Variants in DHODH observed in about 807,000 individuals in gnomAD.
The protein encoded by DHODH is dihydroorotate dehydrogenase (quinone), mitochondrial.
DHODH carries 30 observed loss-of-function variants against 39.7 expected under a neutral mutation model. The observed-to-expected ratio is 0.76, with a 90% CI of 0.57 to 1.02. The LOEUF (loss-of-function observed/expected upper bound fraction) is 1.02. Ranked by LOEUF, DHODH falls within the 50% of genes least tolerant of loss-of-function variation. The pLI is 0.00. For missense variants in DHODH, 531 were observed against 520.8 expected, an observed-to-expected ratio of 1.02 and a Z score of -0.19; for synonymous variants, 222 against 213.8, an observed-to-expected ratio of 1.04 and a Z score of -0.34.
At position 72,023,374 on chromosome 16, in the gene DHODH, C is replaced by A. The variant is rs112421506; in HGVS notation, c.973+56C>A. On this transcript the variant is annotated intron_variant, in intron 7 of 8. Coordinates refer to ENST00000219240, the MANE Select transcript of DHODH (RefSeq NM_001361.5). ...CTGCGTGTGGCTTGGGCTCCTGGGT[C>A]GTGATGGGAATCATCATTCCCTAAT... 1.5e-4 allele frequency: 237 copies of A among 1,613,768 alleles called. 5 individuals are homozygous for A. Among genetic ancestry groups the A allele is most frequent in the African/African-American group, 7.1e-4 (53 of 75,042 alleles).
Position 72,026,971 on chromosome 16 carries a change from G to A in DHODH, c.*2772G>A, listed in dbSNP as rs1337183539. 5 of 81,444 alleles carry A rather than the reference G, an allele frequency of 6.1e-5. No homozygotes were observed. Among genetic ancestry groups the A allele is most frequent in the African/African-American group, 1.4e-4 (4 of 28,068 alleles). 5.0% of individuals were successfully genotyped at this position (81,444 alleles called of 1,614,324 possible). ...ACACCCAGCTAATTTGTGTGTGTGT[G>A]TGTGTGTGTGTGTGTGTGTGTGTGT... On this transcript the variant is annotated 3_prime_UTR_variant, in exon 9 of 9. Coordinates refer to ENST00000219240, the MANE Select transcript of DHODH (RefSeq NM_001361.5).
In DHODH at chr16:72,023,643, G is replaced by T; in HGVS notation, c.1133+10G>T. On this transcript the variant is annotated intron_variant, in intron 8 of 8. Transcript: ENST00000219240. The stretch of plus-strand genomic sequence containing the variant: ...TGGAGGCCCTTCTGAAGTGAGTGAG[G>T]TCATGTGTGGCTTGAAACAGAAGTT... 2 of 1,613,364 alleles carry T rather than the reference G, an allele frequency of 1.2e-6. No individual in the cohort carries two copies. The highest frequency in any genetic ancestry group is 1.7e-6 in the Non-Finnish European group (2 of 1,180,028).
At position 72,022,485 on chromosome 16, in the gene DHODH, G is replaced by A. The variant is rs114267707; in HGVS notation, c.819+10G>A. 3.0e-3 allele frequency: 4,636 copies of A among 1,547,428 alleles called. 96 individuals carry two copies. In the African/African-American group the frequency reaches 0.051, roughly 17 times the overall value. ...CAGTGTGGTCAAAGAGGTTTGAGTC[G>A]GGGCCTGGGCCCAGGGTGTGCCTCC... On this transcript the variant is annotated intron_variant, in intron 6 of 8. Transcript: ENST00000219240.
chr16:72,012,379 T>G lies in DHODH; in HGVS notation c.234+117T>G, dbSNP rs556105282. ...AGAACCCCAAGTGAGCAGTGGGGAT[T>G]TGGAATTCAGTCTGAGCATTATTAT... is the stretch of plus-strand genomic sequence containing the variant. On this transcript the variant is annotated intron_variant, in intron 2 of 8. Transcript: ENST00000219240. 356 of 835,528 alleles carry G rather than the reference T, an allele frequency of 4.3e-4. 3 individuals are homozygous for G. Among genetic ancestry groups the G allele is most frequent in the South Asian group, 1.1e-3 (75 of 69,648 alleles). 51.8% of individuals were successfully genotyped at this position (835,528 alleles called of 1,614,324 possible).
chr16:72,027,107 C>T lies in DHODH; in HGVS notation c.*2908C>T, dbSNP rs1876570271. The T allele has an allele frequency of 6.6e-6, 1 of 152,244 alleles. No homozygotes were observed. The highest frequency in any genetic ancestry group is 2.4e-5 in the African/African-American group (1 of 41,400). The allele number at this position is 152,244 out of a possible 1,614,324, so 9.4% of individuals were successfully genotyped here. Reference sequence around the variant, plus strand: ...CGCCTCCCGGGTTCACACTATTCTCCTGCCTCAGCCTCCCGAGTAGCTGGG... The same window carrying T: ...CGCCTCCCGGGTTCACACTATTCTCTTGCCTCAGCCTCCCGAGTAGCTGGG... On this transcript the variant is annotated 3_prime_UTR_variant, in exon 9 of 9. Transcript: ENST00000219240.
intron 1 of DHODH, 75 bp downstream of exon 1, chr16:72,008,860 C>G: frequency 1.3e-6 from 2 of 1,551,080 alleles, no homozygotes; most frequent in South Asian, 1.2e-5. Context: ...TCAGGCCGGG[C>G]GAGGCATGGA....
At chr16:72,017,386 G>A (rs774021150) in intron 4 of DHODH, among the ~76,000 whole-genome samples, 10 of 152,136 alleles carry the variant, frequency 6.6e-5, no homozygotes, top group South Asian at 2.1e-4. Flanking sequence ...AAAGCGGCTG[G>A]GCAATGATCA....
intron 1 of DHODH, 183 bp downstream of exon 1, chr16:72,008,968 G>T (rs1192994911): frequency 5.4e-6 from 8 of 1,494,608 alleles, no homozygotes; most frequent in East Asian, 2.5e-5. Context: ...ACGTGGACTC[G>T]GTCAGGCGTG....
chr16:72,012,690 C>CAGCTAAATGGGGAAGCTGCCAGAGTCATT, intron 2 of DHODH, among the ~76,000 whole-genome samples: 1 of 152,250 alleles, frequency 6.6e-6, no homozygotes, highest in Non-Finnish European at 1.5e-5. Context: ...GTCTTCCCCT[C>CAGCTAAATGGGGAAGCTGCCAGAGTCATT]AGCTAAATGG....
intron 7 of DHODH, 37 bp downstream of exon 7, chr16:72,023,355 G>T: frequency 6.2e-7 from 1 of 1,614,084 alleles, no homozygotes; most frequent in Non-Finnish European, 8.5e-7. Context: ...AGATCTGCGT[G>T]TGGCTTGGGC....
intron 4 of DHODH, among the ~76,000 whole-genome samples, 189 bp from the exon 5 acceptor site, chr16:72,020,935 G>C (rs1567573149): frequency 1.3e-5 from 2 of 152,240 alleles, no homozygotes; most frequent in Non-Finnish European, 2.9e-5. Flanking sequence ...GCTAGACAAA[G>C]CCAGTGAGTG....
intron 3 of DHODH, among the ~76,000 whole-genome samples, chr16:72,014,992 C>A (rs2041126326): frequency 6.6e-6 from 1 of 152,156 alleles, no homozygotes; most frequent in African/African-American, 2.4e-5. Context: ...GTGCTCTGTC[C>A]ATGTTGTTTC....
intron 8 of DHODH, 105 bp downstream of exon 8, chr16:72,023,738 G>T (rs2041249767): frequency 2.0e-6 from 3 of 1,495,296 alleles, no homozygotes; most frequent in Admixed American, 3.5e-5. Context: ...CATTCAAAAA[G>T]GAGTTGAGGG....
chr16:72,024,071 A>G lies in DHODH; in HGVS notation c.1134-74A>G. On this transcript the variant is annotated intron_variant, in intron 8 of 8. Coordinates refer to ENST00000219240, the MANE Select transcript of DHODH (RefSeq NM_001361.5). ...GGCCGGGATGATGCGTTTCTGGGTG[A>G]ACGTGGGCTTCCTGTAAGAGCAGGG... The G allele has an allele frequency of 2.0e-6, 3 of 1,508,716 alleles. No homozygotes were observed. The South Asian group carries it at 3.4e-5, about 17-fold the overall frequency. 93.5% of individuals were successfully genotyped at this position (1,508,716 alleles called of 1,614,324 possible).
intron 3 of DHODH, chr16:72,015,811 T>C: frequency 1.0e-6 from 1 of 985,446 alleles, no homozygotes; most frequent in South Asian, 4.7e-5. Flanking sequence ...GGGTGTGAGA[T>C]CCTGCTCTGA....
At position 72,008,764 on chromosome 16, in the gene DHODH, C is replaced by A; in HGVS notation, c.-1C>A. On this transcript the variant is annotated 5_prime_UTR_variant, in exon 1 of 9. Coordinates refer to ENST00000219240, the MANE Select transcript of DHODH (RefSeq NM_001361.5). The stretch of plus-strand genomic sequence containing the variant: ...GGGGCGGGCTTAATGACGGAAGGAG[C>A]ATGGCGTGGAGACACCTGAAAGTGA... The A allele has an allele frequency of 6.4e-7, 1 of 1,551,732 alleles. No individual in the cohort carries two copies. The highest frequency in any genetic ancestry group is 1.4e-5 in the African/African-American group (1 of 73,188).
intron 3 of DHODH, among the ~76,000 whole-genome samples, chr16:72,015,147 T>G (rs1221342859): frequency 3.3e-5 from 5 of 152,244 alleles, no homozygotes; most frequent in Non-Finnish European, 7.3e-5. Flanking sequence ...ATATTTAATG[T>G]TACAAGTATT....
chr16:72,018,422 G>A (rs2041167813), intron 4 of DHODH, among the ~76,000 whole-genome samples: 1 of 152,222 alleles, frequency 6.6e-6, no homozygotes, highest in Non-Finnish European at 1.5e-5. Flanking sequence ...CCCCTGGGTT[G>A]GGTGGAACCA....
At position 72,017,082 on chromosome 16, in the gene DHODH, C is replaced by G. The variant is rs778692708; in HGVS notation, c.493C>G (p.Gln165Glu). 5 of 1,614,036 alleles carry G rather than the reference C, an allele frequency of 3.1e-6. No individual in the cohort carries two copies. In the South Asian group the frequency reaches 5.5e-5, roughly 18 times the overall value. ...VVEHRLRARQ[Q>E]KQAKLTEDGL... ...GGAACACAGGTTACGGGCCAGACAG[C>G]AGAAGCAGGCCAAGCTCACAGAAGG... The change falls in exon 4 of 9, where the codon CAG becomes GAG. Residue 165 changes from glutamine to glutamate, a missense_variant. Gln to Glu is a conservative substitution (Grantham distance 29). Transcript: ENST00000219240.
Sources: allele counts gnomAD v4.1 joint callset (sites outside exome capture counted in the v4.1 genomes callset), GRCh38; gene constraint gnomAD v4.1.1; transcripts MANE v1.5; gene names NCBI Gene and HGNC (gene_info 2026-07-23, HGNC 2026-07-21).